TRIO: variants seen among roughly 807,000 people sequenced by gnomAD.
TRIO encodes the protein triple functional domain protein.
In TRIO, 58 loss-of-function variants were observed where a neutral mutation model predicts 351.9. The ratio of observed to expected loss-of-function variants is 0.16; its 90% CI spans 0.13 to 0.21. TRIO has a LOEUF of 0.21. Among genes scored for constraint, TRIO ranks in the 10% least tolerant of loss-of-function variants. TRIO has a pLI of 1.00. For synonymous variants in TRIO, 1,758 were observed against 1,595.7 expected, an observed-to-expected ratio of 1.10 and a Z score of -2.42; for missense variants, 3,201 against 4,027.8, an observed-to-expected ratio of 0.79 and a Z score of 5.56.
chr5:14,226,084 G>T (rs1476638107), intron 1 of TRIO, among the ~76,000 whole-genome samples: 2 of 152,162 alleles, frequency 1.3e-5, no homozygotes, highest in Non-Finnish European at 2.9e-5. Context: ...CTTCAGGGAG[G>T]CACCTGGTTA....
chr5:14,205,525 A>G (rs1791401926), intron 1 of TRIO, among the ~76,000 whole-genome samples: 1 of 152,204 alleles, frequency 6.6e-6, no homozygotes. Flanking sequence ...ACCCCTGGAA[A>G]AAATAGGAAT....
At chr5:14,421,529 A>G (rs1040248487) in intron 34 of TRIO, among the ~76,000 whole-genome samples, 5 of 150,538 alleles carry the variant, frequency 3.3e-5, no homozygotes, top group African/African-American at 9.8e-5. Flanking sequence ...GCTTGGACCC[A>G]GGAGGCAGAG....
chr5:14,378,671 T>C (rs1214035305), intron 20 of TRIO, among the ~76,000 whole-genome samples: 1 of 152,072 alleles, frequency 6.6e-6, no homozygotes, highest in Non-Finnish European at 1.5e-5. Context: ...GTGATTCTCC[T>C]GCCTCAGCCT....
intron 1 of TRIO, among the ~76,000 whole-genome samples, chr5:14,253,129 A>G (rs951380667): frequency 1.3e-5 from 2 of 152,260 alleles, no homozygotes; most frequent in Non-Finnish European, 2.9e-5. Flanking sequence ...AGAAAAGGAA[A>G]TGCTGATTTC....
intron 1 of TRIO, among the ~76,000 whole-genome samples, chr5:14,264,197 C>T (rs1795516902): frequency 1.3e-5 from 2 of 151,448 alleles, no homozygotes; most frequent in Admixed American, 1.3e-4. Context: ...TTGTTGTGGT[C>T]TTTTTGATTA....
chr5:14,496,566 C>G (rs1224113859), intron 49 of TRIO, among the ~76,000 whole-genome samples: 1 of 152,232 alleles, frequency 6.6e-6, no homozygotes, highest in Non-Finnish European at 1.5e-5. Flanking sequence ...TTCAGAAACA[C>G]CCTCACAGGA....
chr5:14,405,849 C>T lies in TRIO; in HGVS notation c.4718C>T (p.Ala1573Val). The change falls in exon 32 of 57, where the codon GCT becomes GTT. Residue 1573 changes from alanine to valine, a missense_variant and splice_region_variant. Coordinates refer to ENST00000344204, the MANE Select transcript of TRIO (RefSeq NM_007118.4). ...PTSDNKIVLK[A>V]SSIENKQDWI... is the part of the protein sequence containing the mutation. ...AAGCAACGCTAACACCTTGTTAAGG[C>T]TTCCAGCATAGAGAACAAGCAGGAC... 1.2e-6 allele frequency: 2 copies of T among 1,613,798 alleles called. No individual in the cohort carries two copies. The highest frequency in any genetic ancestry group is 1.7e-6 in the Non-Finnish European group (2 of 1,179,808).
intron 34 of TRIO, among the ~76,000 whole-genome samples, chr5:14,449,087 TAC>T (rs1752653696): frequency 6.6e-6 from 1 of 152,228 alleles, no homozygotes; most frequent in African/African-American, 2.4e-5. Flanking sequence ...AGCCTCGGCC[TAC>T]AGAGTTGGGT....
intron 37 of TRIO, among the ~76,000 whole-genome samples, chr5:14,466,971 T>C (rs1411980105): frequency 6.6e-6 from 1 of 152,190 alleles, no homozygotes; most frequent in Non-Finnish European, 1.5e-5. Context: ...GAGCATGTAT[T>C]AATTTATATA....
chr5:14,420,051 C>T, intron 34 of TRIO, 30 bp downstream of exon 34: 1 of 1,600,944 alleles, frequency 6.2e-7, no homozygotes, highest in South Asian at 1.1e-5. Flanking sequence ...GGGTGGCAGA[C>T]CCCTACTGGA....
intron 28 of TRIO, among the ~76,000 whole-genome samples, chr5:14,394,450 C>T (rs1017660487): frequency 1.3e-5 from 2 of 152,094 alleles, no homozygotes; most frequent in African/African-American, 2.4e-5. Context: ...CACTTTGGTA[C>T]GCTCTGCATA....
At chr5:14,144,811 C>T (rs1787398190) in intron 1 of TRIO, among the ~76,000 whole-genome samples, 1 of 151,950 alleles carries the variant, frequency 6.6e-6, no homozygotes, top group African/African-American at 2.4e-5. Flanking sequence ...GGCCCAGATC[C>T]CGCGCGAGCC....
intron 1 of TRIO, among the ~76,000 whole-genome samples, chr5:14,264,536 T>G (rs536897905): frequency 2.0e-5 from 3 of 152,180 alleles, no homozygotes; most frequent in African/African-American, 7.2e-5. Flanking sequence ...AAAAAAATAA[T>G]ATAAGCATTG....
intron 2 of TRIO, among the ~76,000 whole-genome samples, chr5:14,278,414 C>T (rs1025650352): frequency 6.6e-6 from 1 of 152,138 alleles, no homozygotes; most frequent in Non-Finnish European, 1.5e-5. Flanking sequence ...ATGTGGGTCC[C>T]TATGGAATCA....
chr5:14,504,489 G>A lies in TRIO; in HGVS notation c.8508G>A (p.Gln2836=). Reference sequence around the variant, plus strand: ...ACAAGAAGTTGATGAAGCGCGACCAGGTCACCCATGAGCTTGGCATCCTGC... The same window carrying A: ...ACAAGAAGTTGATGAAGCGCGACCAAGTCACCCATGAGCTTGGCATCCTGC... The part of the protein sequence containing the change: ...FVNKKLMKRD[Q]VTHELGILQS... The change falls in exon 55 of 57, where the codon CAG becomes CAA. Residue 2836 remains glutamine, a synonymous_variant. Coordinates refer to ENST00000344204, the MANE Select transcript of TRIO (RefSeq NM_007118.4). 6.2e-7 allele frequency: 1 copy of A among 1,614,124 alleles called. No individual in the cohort carries two copies. The highest frequency in any genetic ancestry group is 8.5e-7 in the Non-Finnish European group (1 of 1,180,022).
Position 14,220,850 on chromosome 5 carries a change from C to T in TRIO, c.158-49975C>T, listed in dbSNP as rs116593818. 9.8e-5 allele frequency among the ~76,000 whole-genome samples: 15 copies of T among 152,356 alleles called. 1 individual carries two copies. The highest frequency in any genetic ancestry group is 1.8e-4 in the Non-Finnish European group (12 of 68,038). ...ATAACAAAAGTGCAGGATGAAGCAG[C>T]AACTGCTGATGTGGAAGCTGCAGCA... On this transcript the variant is annotated intron_variant, in intron 1 of 56. Transcript: ENST00000344204.
intron 1 of TRIO, among the ~76,000 whole-genome samples, chr5:14,230,761 G>A (rs1793369287): frequency 6.6e-6 from 1 of 151,968 alleles, no homozygotes; most frequent in Admixed American, 6.6e-5. Context: ...TCAAGATATT[G>A]GTGAGTCTTA....
At chr5:14,294,057 A>C (rs571346477) in intron 6 of TRIO, among the ~76,000 whole-genome samples, 2 of 152,196 alleles carry the variant, frequency 1.3e-5, no homozygotes, top group Admixed American at 1.3e-4. Flanking sequence ...GTGGTGGTGC[A>C]CACCTGTAGT....
chr5:14,230,407 G>A (rs1032373049), intron 1 of TRIO, among the ~76,000 whole-genome samples: 2 of 151,458 alleles, frequency 1.3e-5, no homozygotes, highest in Admixed American at 1.3e-4. Flanking sequence ...CACACACAAT[G>A]TCTGTCCCCC....
Sources: gnomAD v4.1 joint callset for allele counts (sites outside exome capture counted in the v4.1 genomes callset) on GRCh38, gnomAD v4.1.1 for gene constraint, MANE v1.5 for transcripts, NCBI Gene and HGNC (gene_info 2026-07-23, HGNC 2026-07-21) for gene names.